DIAPH2: variants seen among roughly 807,000 people sequenced by gnomAD.
DIAPH2 encodes the protein protein diaphanous homolog 2.
A neutral mutation model predicts 92.7 loss-of-function variants in DIAPH2; 35 were observed. The ratio of observed to expected loss-of-function variants is 0.38; its 90% CI spans 0.29 to 0.50. The LOEUF (loss-of-function observed/expected upper bound fraction) is 0.50, where lower values mean the gene tolerates loss of function less well. Among genes scored for constraint, DIAPH2 ranks in the 20% least tolerant of loss-of-function variants. DIAPH2 has a pLI of 0.94. For synonymous variants in DIAPH2, 301 were observed against 280.4 expected (o/e 1.07, Z -0.73); for missense variants, 701 against 819.5 (o/e 0.86, Z 1.77).
intron 17 of DIAPH2, among the ~76,000 whole-genome samples, chrX:97,067,301 C>T (rs2066640512): frequency 8.9e-6 from 1 of 111,871 alleles, no homozygotes; most frequent in Non-Finnish European, 1.9e-5. Flanking sequence ...CTACACTTGG[C>T]CCTTGGGATT....
At chrX:96,965,885 A>T (rs950555801) in intron 17 of DIAPH2, among the ~76,000 whole-genome samples, 5 of 111,346 alleles carry the variant, frequency 4.5e-5, no homozygotes, top group African/African-American at 1.6e-4. Context: ...TTTTATTTCA[A>T]CATGATTATT....
chrX:97,387,307 G>GGT (rs1225723788), intron 25 of DIAPH2, among the ~76,000 whole-genome samples: 17 of 112,108 alleles, frequency 1.5e-4, no homozygotes, highest in Admixed American at 9.4e-4. Context: ...AGCAACAAGA[G>GGT]GTGTATTAGT....
At chrX:97,501,111 C>G (rs901878435) in intron 26 of DIAPH2, among the ~76,000 whole-genome samples, 1 of 109,440 alleles carries the variant, frequency 9.1e-6, no homozygotes, top group African/African-American at 3.3e-5. Flanking sequence ...CTTTTGGCAG[C>G]ATTTAAGTGA....
intron 1 of DIAPH2, among the ~76,000 whole-genome samples, chrX:96,688,742 A>G (rs1318370511): frequency 8.9e-6 from 1 of 112,424 alleles, no homozygotes; most frequent in Non-Finnish European, 1.9e-5. Flanking sequence ...TTGGTGATAC[A>G]AAGATACTTG....
intron 1 of DIAPH2, among the ~76,000 whole-genome samples, chrX:96,713,687 G>A (rs748715564): frequency 9.0e-6 from 1 of 111,710 alleles, no homozygotes; most frequent in East Asian, 2.8e-4. Context: ...ATCTTTTCCT[G>A]TCTCTATAGT....
intron 24 of DIAPH2, among the ~76,000 whole-genome samples, chrX:97,360,117 C>T (rs1014811526): frequency 1.8e-5 from 2 of 111,563 alleles, no homozygotes; most frequent in Admixed American, 1.9e-4. Context: ...GCTCAAACTA[C>T]TGGATTACTC....
chrX:97,046,627 C>T (rs1349292756), intron 17 of DIAPH2, among the ~76,000 whole-genome samples: 5 of 112,009 alleles, frequency 4.5e-5, no homozygotes, highest in Non-Finnish European at 7.5e-5. Context: ...TATTACTCTT[C>T]CCAATTATGC....
chrX:96,904,715 CTCTT>C (rs2065421298), intron 5 of DIAPH2, among the ~76,000 whole-genome samples: 1 of 111,049 alleles, frequency 9.0e-6, no homozygotes, highest in African/African-American at 3.3e-5. Flanking sequence ...TCACATGGAA[CTCTT>C]TCTTTCCTTA....
chrX:96,740,190 T>C (rs1025727409), intron 3 of DIAPH2, among the ~76,000 whole-genome samples: 22 of 112,089 alleles, frequency 2.0e-4, no homozygotes, highest in African/African-American at 6.8e-4. Context: ...AGAGCATGTA[T>C]TGTGTAGTGG....
chrX:97,395,662 T>C (rs986442400), intron 25 of DIAPH2, among the ~76,000 whole-genome samples: 10 of 112,217 alleles, frequency 8.9e-5, no homozygotes, highest in Admixed American at 6.6e-4. Flanking sequence ...CATTTCTGGC[T>C]TCAGTTCTCG....
At chrX:97,139,522 C>G (rs2067195968) in intron 21 of DIAPH2, among the ~76,000 whole-genome samples, 1 of 108,069 alleles carries the variant, frequency 9.3e-6, no homozygotes, top group Admixed American at 1.0e-4. Flanking sequence ...AGATACTTCT[C>G]AACTTGACAA....
At chrX:96,846,198 A>T in intron 4 of DIAPH2, among the ~76,000 whole-genome samples, 1 of 105,567 alleles carries the variant, frequency 9.5e-6, no homozygotes, top group East Asian at 3.0e-4. Context: ...CCCAGGCTGG[A>T]GTGCAATGGT....
intron 17 of DIAPH2, among the ~76,000 whole-genome samples, chrX:96,965,805 A>G (rs2065890350): frequency 8.9e-6 from 1 of 111,767 alleles, no homozygotes; most frequent in African/African-American, 3.2e-5. Context: ...AATTTCACAG[A>G]TGATTTTGTT....
intron 23 of DIAPH2, among the ~76,000 whole-genome samples, chrX:97,315,680 T>A (rs1415310947): frequency 9.1e-6 from 1 of 110,249 alleles, no homozygotes; most frequent in South Asian, 3.9e-4. Flanking sequence ...TTTTTTTTTT[T>A]AAACCACAGC....
At chrX:96,987,280 A>T (rs2147845256) in intron 17 of DIAPH2, among the ~76,000 whole-genome samples, 1 of 112,085 alleles carries the variant, frequency 8.9e-6, no homozygotes, top group South Asian at 3.7e-4. Flanking sequence ...GAAATGAGAT[A>T]ACAGCATTAT....
At position 96,968,409 on chromosome X, in the gene DIAPH2, A is replaced by G. The variant is rs979810117; in HGVS notation, c.2050+3202A>G. 8.8e-4 allele frequency among the ~76,000 whole-genome samples: 96 copies of G among 108,552 alleles called. 1 individual carries two copies. Among genetic ancestry groups the G allele is most frequent in the African/African-American group, 3.1e-3 (91 of 29,808 alleles). 94.3% of individuals were successfully genotyped at this position (108,552 alleles called of 115,157 possible). A position where few individuals can be genotyped will look rare whatever the true frequency, so the allele number is the denominator to read the frequency against. On this transcript the variant is annotated intron_variant, in intron 17 of 26. Coordinates refer to ENST00000324765, the MANE Select transcript of DIAPH2 (RefSeq NM_006729.5). ...AATTTTTGTATTTTTAGTAGAGACG[A>G]GTTTTCACCATGTTGGCCAGGCTGG...
chrX:97,447,592 G>T (rs960552251), intron 26 of DIAPH2, among the ~76,000 whole-genome samples: 1 of 111,367 alleles, frequency 9.0e-6, no homozygotes, highest in East Asian at 2.8e-4. Flanking sequence ...CCCAAAGCAG[G>T]GGGCTGTGTG....
rs200638661 is a variant in DIAPH2 at position 96,755,184 on chromosome X, G to A, written c.343-2970G>A. Among the ~76,000 whole-genome samples the A allele has an allele frequency of 6.3e-5, 7 of 110,819 alleles. No homozygotes were observed. The East Asian group carries it at 2.0e-3, about 32-fold the overall frequency. ...AGTGATCCAGATAATTAGGAAGAAA[G>A]GTCATGTATATATACACAAAATTTA... On this transcript the variant is annotated intron_variant, in intron 3 of 26. Transcript: ENST00000324765.
intron 15 of DIAPH2, among the ~76,000 whole-genome samples, chrX:96,955,455 A>T (rs752271598): frequency 5.4e-5 from 6 of 111,407 alleles, no homozygotes; most frequent in Non-Finnish European, 1.1e-4. Context: ...ATGTCCTCAC[A>T]TTTCAAAACA....
Sources: allele counts gnomAD v4.1 joint callset (sites outside exome capture counted in the v4.1 genomes callset), GRCh38; gene constraint gnomAD v4.1.1; transcripts MANE v1.5; gene names NCBI Gene and HGNC (gene_info 2026-07-23, HGNC 2026-07-21).